DNAJB13: variants seen among roughly 807,000 people sequenced by gnomAD.
DNAJB13 encodes the protein dnaJ homolog subfamily B member 13.
Under a neutral mutation model 35.6 loss-of-function variants are expected in DNAJB13, and 22 were observed. The ratio of observed to expected loss-of-function variants is 0.62; its 90% CI spans 0.44 to 0.88. The LOEUF is 0.88. DNAJB13 is among the 40% of genes least tolerant of loss of function. The pLI is 0.00. For missense variants in DNAJB13, 370 were observed against 384.3 expected, an observed-to-expected ratio of 0.96 and a Z score of 0.31; for synonymous variants, 136 against 144.2, an observed-to-expected ratio of 0.94 and a Z score of 0.41.
At chr11:73,966,021 T>C (rs1183406831) in intron 4 of DNAJB13, 117 bp from the exon 5 acceptor site, 7 of 926,692 alleles carry the variant, frequency 7.6e-6, no homozygotes, top group Non-Finnish European at 1.0e-5. Flanking sequence ...ACAAATCCCA[T>C]AGAGCATCTT....
At chr11:73,968,199 G>A in intron 5 of DNAJB13, 146 bp from the exon 6 acceptor site, 1 of 694,846 alleles carries the variant, frequency 1.4e-6, no homozygotes, top group Non-Finnish European at 2.6e-6. Flanking sequence ...CTGGGCTATG[G>A]GGGCCAAACT....
chr11:73,954,987 T>C lies in DNAJB13; in HGVS notation c.69-3330T>C, dbSNP rs147170226. On this transcript the variant is annotated intron_variant, in intron 1 of 7. Transcript: ENST00000339764. The stretch of plus-strand genomic sequence containing the variant: ...AATAAATAAAAATAAATAGAGTGAT[T>C]AAAAGAACTATGTAGGTTTCAAAAA... Among the ~76,000 whole-genome samples, 22 of 152,040 alleles carry C rather than the reference T, an allele frequency of 1.4e-4. No homozygotes were observed. In the East Asian group the frequency reaches 4.2e-3, roughly 29 times the overall value.
chr11:73,957,011 T>A (rs577697199), intron 1 of DNAJB13, among the ~76,000 whole-genome samples: 1 of 151,952 alleles, frequency 6.6e-6, no homozygotes, highest in African/African-American at 2.4e-5. Flanking sequence ...GAGGCGGGTG[T>A]GGGCACTAGA....
chr11:73,969,966 A>G lies in DNAJB13; in HGVS notation c.803A>G (p.Lys268Arg), dbSNP rs762645927. The change falls in exon 8 of 8, where the codon AAA (lysine) becomes AGA (arginine). Residue 268 changes from lysine (K) to arginine (R), a missense_variant. Physicochemically the swap from Lys to Arg is conservative, Grantham distance 26. Coordinates refer to ENST00000339764, the MANE Select transcript of DNAJB13 (RefSeq NM_153614.4). ...TTTCTTTCATCCTATTTCAGCCCCAAATACTTCAAGAAGGTGCCAGGGGAG... is the reference window on the plus strand; with the variant it reads ...TTTCTTTCATCCTATTTCAGCCCCAGATACTTCAAGAAGGTGCCAGGGGAG... ...NIPINDIIHPKYFKKVPGEGM... is the reference protein window; with the variant it reads ...NIPINDIIHPRYFKKVPGEGM... The G allele has an allele frequency of 4.4e-6, 7 of 1,608,626 alleles. No homozygotes were observed. Among genetic ancestry groups the G allele is most frequent in the South Asian group, 3.3e-5 (3 of 89,684 alleles).
In DNAJB13 at chr11:73,966,162, T is replaced by C; in HGVS notation, c.517T>C (p.Ser173Pro). Residue 173 changes from serine to proline, a missense_variant, in exon 5 of 8, where the codon TCC becomes CCC. Transcript: ENST00000339764. ...GGTGCTGAACGAGGATGGGTACTCC[T>C]CCACCATCAAGGACAAGATCCTGAC... ...RRVLNEDGYSSTIKDKILTID... is the reference protein window; with the variant it reads ...RRVLNEDGYSPTIKDKILTID... 6.2e-7 allele frequency: 1 copy of C among 1,613,542 alleles called. No homozygotes were observed. The highest frequency in any genetic ancestry group is 8.5e-7 in the Non-Finnish European group (1 of 1,179,880).
chr11:73,953,881 G>A lies in DNAJB13; in HGVS notation c.68+2744G>A, dbSNP rs982699646. On this transcript the variant is annotated intron_variant, in intron 1 of 7. Coordinates refer to ENST00000339764, the MANE Select transcript of DNAJB13 (RefSeq NM_153614.4). The stretch of plus-strand genomic sequence containing the variant: ...CGGGCACCTGTAGTCCCAGCTACTC[G>A]GGAGGCTGAGGCAGGAGAATGGCGT... Among the ~76,000 whole-genome samples the A allele has an allele frequency of 1.3e-4, 20 of 151,698 alleles. 1 individual carries two copies. The highest frequency in any genetic ancestry group is 4.4e-4 in the African/African-American group (18 of 41,266).
intron 1 of DNAJB13, among the ~76,000 whole-genome samples, chr11:73,954,691 C>G (rs1052687930): frequency 6.6e-6 from 1 of 151,590 alleles, no homozygotes; most frequent in African/African-American, 2.4e-5. Context: ...CACGGTGGCT[C>G]ATGCCTGTAA....
chr11:73,953,484 T>G (rs1796989985), intron 1 of DNAJB13, among the ~76,000 whole-genome samples: 1 of 152,144 alleles, frequency 6.6e-6, no homozygotes, highest in African/African-American at 2.4e-5. Context: ...ACTAAAGATT[T>G]CACATGAAAG....
At position 73,954,643 on chromosome 11, in the gene DNAJB13, A is replaced by T. The variant is rs201279648; in HGVS notation, c.68+3506A>T. ...AGACTCCGTCTCAAAAAAAAAAAAT[A>T]AAATAAATAAATAAATAAATAAATA... On this transcript the variant is annotated intron_variant, in intron 1 of 7. Coordinates refer to ENST00000339764, the MANE Select transcript of DNAJB13 (RefSeq NM_153614.4). 6.5e-3 allele frequency among the ~76,000 whole-genome samples: 860 copies of T among 132,244 alleles called. 10 individuals carry two copies. The highest frequency in any genetic ancestry group is 0.011 in the South Asian group (44 of 4,096). The allele number at this position is 132,244 out of a possible 152,430, so 86.8% of individuals were successfully genotyped here.
intron 6 of DNAJB13, among the ~76,000 whole-genome samples, 193 bp downstream of exon 6, chr11:73,968,651 C>T (rs1030977965): frequency 6.6e-6 from 1 of 152,202 alleles, no homozygotes; most frequent in African/African-American, 2.4e-5. Context: ...ACCAGATCTG[C>T]GCAGCAGGCC....
chr11:73,964,920 G>C lies in DNAJB13; in HGVS notation c.377G>C (p.Gly126Ala), dbSNP rs548455824. Residue 126 changes from glycine (G) to alanine (A), a missense_variant, in exon 4 of 8, where the codon GGG (glycine) becomes GCG (alanine). Coordinates refer to ENST00000339764, the MANE Select transcript of DNAJB13 (RefSeq NM_153614.4). ...AEGSEVDLNFGGLQGRGVKKQ... is the reference protein window; with the variant it reads ...AEGSEVDLNFAGLQGRGVKKQ... The stretch of plus-strand genomic sequence containing the variant: ...GGAAGTGAGGTAGATTTGAACTTTG[G>C]GGGGCTCCAGGGCCGAGGGGTCAAG... 68 of 1,613,604 alleles carry C rather than the reference G, an allele frequency of 4.2e-5. No individual in the cohort carries two copies. In the South Asian group the frequency reaches 7.0e-4, roughly 17 times the overall value.
At chr11:73,962,445 ATGAATGGATGGCTGGGTAGG>A (rs1466208630) in intron 3 of DNAJB13, among the ~76,000 whole-genome samples, 81 of 136,740 alleles carry the variant, frequency 5.9e-4, no homozygotes, top group Admixed American at 4.3e-3. Context: ...GGCTGGGTAA[ATGAATGGATGGCTGGGTAGG>A]CGGATGGATG....
chr11:73,958,260 G>T, intron 1 of DNAJB13, 57 bp from the exon 2 acceptor site: 1 of 1,569,742 alleles, frequency 6.4e-7, no homozygotes, highest in Non-Finnish European at 8.8e-7. Flanking sequence ...CTGAACTCTG[G>T]TCCGCCCTCA....
intron 3 of DNAJB13, chr11:73,959,953 C>T (rs1284163522): frequency 1.8e-5 from 3 of 168,932 alleles, no homozygotes; most frequent in Admixed American, 6.1e-5. Context: ...TTAGTAGAGA[C>T]GAGGTTTCAC....
intron 1 of DNAJB13, among the ~76,000 whole-genome samples, chr11:73,954,866 G>A (rs1174726554): frequency 9.2e-5 from 14 of 152,136 alleles, no homozygotes; most frequent in African/African-American, 3.1e-4. Flanking sequence ...CAGAAGAATC[G>A]TTTGAACCTG....
intron 1 of DNAJB13, among the ~76,000 whole-genome samples, chr11:73,956,685 C>A (rs1362661089): frequency 6.6e-6 from 1 of 151,886 alleles, no homozygotes. Context: ...CGCCTGTAAT[C>A]CCAGCTACTT....
At position 73,964,507 on chromosome 11, in the gene DNAJB13, A is replaced by G. The variant is rs1414152275; in HGVS notation, c.335-371A>G. 1.7e-4 allele frequency: 41 copies of G among 240,732 alleles called. 2 individuals are homozygous for G. In the Admixed American group the frequency reaches 2.9e-3, roughly 17 times the overall value. 14.9% of individuals were successfully genotyped at this position (240,732 alleles called of 1,614,324 possible). A position where few individuals can be genotyped will look rare whatever the true frequency, so the allele number is the denominator to read the frequency against. On this transcript the variant is annotated intron_variant, in intron 3 of 7. Transcript: ENST00000339764. ...TGGCACTCCTGAGCGCGGCCACCAGAGGGAGTGCCTCCCTTTCCTGAGACA... is the reference window on the plus strand; with the variant it reads ...TGGCACTCCTGAGCGCGGCCACCAGGGGGAGTGCCTCCCTTTCCTGAGACA...
intron 1 of DNAJB13, 80 bp from the exon 2 acceptor site, chr11:73,958,237 C>T: frequency 7.0e-7 from 1 of 1,434,066 alleles, no homozygotes. Flanking sequence ...CAGGAGTGAA[C>T]AGAGTGCCGG....
chr11:73,951,240 A>T, intron 1 of DNAJB13, 103 bp downstream of exon 1: 2 of 1,374,250 alleles, frequency 1.5e-6, no homozygotes, highest in Non-Finnish European at 2.0e-6. Context: ...CAGACAAGGT[A>T]AACCTTGTTC....
Sources: gnomAD v4.1 joint callset for allele counts (sites outside exome capture counted in the v4.1 genomes callset) on GRCh38, gnomAD v4.1.1 for gene constraint, MANE v1.5 for transcripts, NCBI Gene and HGNC (gene_info 2026-07-23, HGNC 2026-07-21) for gene names.